VGLL4: variants seen among roughly 807,000 people sequenced by gnomAD.
VGLL4 encodes vestigial like family member 4.
VGLL4 carries 7 observed loss-of-function variants against 21.0 expected under a neutral mutation model. That is an observed-to-expected ratio of 0.33 (90% CI 0.19 to 0.63). VGLL4 has a LOEUF of 0.63. Ranked by LOEUF, VGLL4 falls within the 20% of genes least tolerant of loss-of-function variation. The pLI is 0.78. For missense variants in VGLL4, 394 were observed against 425.7 expected, an observed-to-expected ratio of 0.93 and a Z score of 0.66; for synonymous variants, 222 against 173.2, an observed-to-expected ratio of 1.28 and a Z score of -2.21.
intron 1 of VGLL4, among the ~76,000 whole-genome samples, chr3:11,638,989 G>C (rs972192077): frequency 3.3e-5 from 5 of 152,170 alleles, no homozygotes; most frequent in Admixed American, 6.5e-5. Context: ...GCTTGAAGTC[G>C]GAATAATTCG....
chr3:11,641,630 G>A (rs1030657393), intron 1 of VGLL4, among the ~76,000 whole-genome samples: 4 of 152,272 alleles, frequency 2.6e-5, no homozygotes, highest in Non-Finnish European at 4.4e-5. Context: ...TTATTCTGGT[G>A]TTAAAATAAT....
At chr3:11,619,922 T>C (rs1467350916) in intron 1 of VGLL4, among the ~76,000 whole-genome samples, 2 of 152,210 alleles carry the variant, frequency 1.3e-5, no homozygotes, top group African/African-American at 4.8e-5. Context: ...AATGGAACAA[T>C]ATTATCTGTA....
Position 11,683,343 on chromosome 3 carries a change from A to G in VGLL4, c.64+19628T>C, listed in dbSNP as rs1231477381. ...TTAAATACTACTGGTGGGATAATAA[A>G]TTAGTACAACCTCTATGGAAAGCAG... On this transcript the variant is annotated intron_variant, in intron 2 of 5. Coordinates refer to the VGLL4 transcript ENST00000273038. Among the ~76,000 whole-genome samples the G allele has an allele frequency of 1.1e-4, 17 of 152,242 alleles. 1 individual carries two copies. Among genetic ancestry groups the G allele is most frequent in the Admixed American group, 5.9e-4 (9 of 15,280 alleles).
At chr3:11,670,252 A>T (rs2076186271) in intron 2 of VGLL4, among the ~76,000 whole-genome samples, 1 of 152,204 alleles carries the variant, frequency 6.6e-6, no homozygotes. Context: ...GACATTCAAA[A>T]GCAAAATAAA....
chr3:11,701,724 T>C (rs2076683146), intron 2 of VGLL4, among the ~76,000 whole-genome samples: 1 of 152,032 alleles, frequency 6.6e-6, no homozygotes, highest in African/African-American at 2.4e-5. Context: ...TTTAAGAACA[T>C]ACACTTGCTG....
chr3:11,572,283 T>C (rs1575393450), intron 2 of VGLL4, among the ~76,000 whole-genome samples: 1 of 152,194 alleles, frequency 6.6e-6, no homozygotes, highest in East Asian at 1.9e-4. Context: ...AAACTGAGCT[T>C]GAGAGAGGCT....
At chr3:11,635,620 A>G (rs1278601785) in intron 1 of VGLL4, among the ~76,000 whole-genome samples, 1 of 152,182 alleles carries the variant, frequency 6.6e-6, no homozygotes, top group Non-Finnish European at 1.5e-5. Context: ...CTTGATGTCC[A>G]CTGTGAGTTC....
chr3:11,711,170 C>T (rs757548034), intron 1 of VGLL4, among the ~76,000 whole-genome samples: 6 of 151,586 alleles, frequency 4.0e-5, no homozygotes, highest in Non-Finnish European at 7.4e-5. Flanking sequence ...TTTGGGAGGC[C>T]GAGGTGGGCA....
In VGLL4 at chr3:11,565,154, G is replaced by C. The variant is rs2073410128; in HGVS notation, c.273-135C>G. ...AGGTCGTGTGGCTGGGCAGCACGATGAGGAGCCGGTTGCCAGCCCGGGTCA... is the reference window on the plus strand; with the variant it reads ...AGGTCGTGTGGCTGGGCAGCACGATCAGGAGCCGGTTGCCAGCCCGGGTCA... On this transcript the variant is annotated intron_variant, in intron 2 of 4. Transcript: ENST00000430365. The surrounding 1 kb of genome is among the most constrained non-coding windows in gnomAD (Gnocchi z 4.1). 3.3e-6 allele frequency: 3 copies of C among 918,652 alleles called. No homozygotes were observed. The highest frequency in any genetic ancestry group is 4.4e-6 in the Non-Finnish European group (3 of 675,458). 56.9% of individuals were successfully genotyped at this position (918,652 alleles called of 1,614,324 possible).
intron 2 of VGLL4, among the ~76,000 whole-genome samples, chr3:11,685,047 C>A (rs1044119456): frequency 1.3e-5 from 2 of 152,078 alleles, no homozygotes; most frequent in Non-Finnish European, 2.9e-5. Flanking sequence ...GAGTTCTCAT[C>A]ATTTAGCTCC....
At chr3:11,678,417 T>C (rs576590915) in intron 2 of VGLL4, among the ~76,000 whole-genome samples, 5 of 152,224 alleles carry the variant, frequency 3.3e-5, no homozygotes, top group Non-Finnish European at 7.3e-5. Flanking sequence ...GCTAAATTCT[T>C]AGTGTCATGG....
intron 2 of VGLL4, among the ~76,000 whole-genome samples, chr3:11,575,041 C>T (rs1389790589): frequency 6.6e-6 from 1 of 152,180 alleles, no homozygotes; most frequent in Non-Finnish European, 1.5e-5. Context: ...CTCCTCCTCT[C>T]TCTTCTTCAA....
chr3:11,721,229 C>G (rs1426102089), upstream of VGLL4: 1 of 152,214 alleles, frequency 6.6e-6, no homozygotes, highest in Non-Finnish European at 1.5e-5. Flanking sequence ...AGTTTTCAAA[C>G]TGTTTTCCCA....
At chr3:11,564,757 C>G (rs2073374728) in intron 3 of VGLL4, 40 bp downstream of exon 3, 1 of 1,529,286 alleles carries the variant, frequency 6.5e-7, no homozygotes, top group Non-Finnish European at 8.7e-7. Flanking sequence ...GTCCCCCAGC[C>G]CCTGGACTCC....
chr3:11,571,473 C>G (rs1416331694), intron 2 of VGLL4, among the ~76,000 whole-genome samples: 1 of 152,018 alleles, frequency 6.6e-6, no homozygotes, highest in African/African-American at 2.4e-5. Flanking sequence ...TGCTTAGGCC[C>G]AGGAGTTCGA....
intron 2 of VGLL4, among the ~76,000 whole-genome samples, chr3:11,586,969 G>A (rs1017896412): frequency 2.7e-5 from 4 of 150,140 alleles, no homozygotes; most frequent in African/African-American, 1.0e-4. Context: ...GCCCTGAATT[G>A]CACGAGACCT....
intron 2 of VGLL4, among the ~76,000 whole-genome samples, chr3:11,593,570 A>C (rs972007458): frequency 4.0e-5 from 6 of 149,498 alleles, no homozygotes; most frequent in African/African-American, 1.5e-4. Context: ...CAGGGCCAGG[A>C]AAAAACAAAA....
intron 2 of VGLL4, among the ~76,000 whole-genome samples, chr3:11,677,266 A>T (rs2076304381): frequency 6.6e-6 from 1 of 152,064 alleles, no homozygotes; most frequent in African/African-American, 2.4e-5. Context: ...TTTTTAAAAG[A>T]ACAGACTGCA....
intron 2 of VGLL4, among the ~76,000 whole-genome samples, chr3:11,584,337 AAAACAAAC>A (rs139010593): frequency 2.0e-5 from 3 of 152,118 alleles, no homozygotes; most frequent in Admixed American, 1.3e-4. Context: ...CTAGTAGCAG[AAAACAAAC>A]AAACAAACAA....
Sources: allele counts gnomAD v4.1 joint callset (sites outside exome capture counted in the v4.1 genomes callset), GRCh38; gene constraint gnomAD v4.1.1; non-coding constraint Gnocchi (gnomAD v3.1); transcripts MANE v1.5; gene names NCBI Gene and HGNC (gene_info 2026-07-23, HGNC 2026-07-21).